Variants in KIAA0825 observed in about 807,000 individuals in gnomAD.
KIAA0825 encodes the protein uncharacterized protein KIAA0825.
Under a neutral mutation model 147.6 loss-of-function variants are expected in KIAA0825, and 119 were observed. The ratio of observed to expected loss-of-function variants is 0.81; its 90% CI spans 0.69 to 0.94. The LOEUF is 0.94. KIAA0825 is among the 40% of genes least tolerant of loss of function. KIAA0825 has a pLI of 0.00. For missense variants in KIAA0825, 1,381 were observed against 1,472.7 expected, an observed-to-expected ratio of 0.94 and a Z score of 1.02; for synonymous variants, 470 against 518.1, an observed-to-expected ratio of 0.91 and a Z score of 1.26.
intron 11 of KIAA0825, among the ~76,000 whole-genome samples, chr5:94,462,910 T>A (rs1760013715): frequency 6.6e-6 from 1 of 151,742 alleles, no homozygotes; most frequent in South Asian, 2.1e-4. Flanking sequence ...AGAAACTAGA[T>A]GAGAAGAAAA....
chr5:94,392,173 G>T (rs1385348269), intron 17 of KIAA0825, among the ~76,000 whole-genome samples: 1 of 152,158 alleles, frequency 6.6e-6, no homozygotes, highest in Non-Finnish European at 1.5e-5. Context: ...TCAAAAGGGG[G>T]AGCCTATTAT....
chr5:94,321,537 G>A (rs1264196597), intron 20 of KIAA0825, among the ~76,000 whole-genome samples: 1 of 151,974 alleles, frequency 6.6e-6, no homozygotes, highest in Non-Finnish European at 1.5e-5. Flanking sequence ...GCTGAGATAT[G>A]AGTCTAAGTA....
intron 3 of KIAA0825, among the ~76,000 whole-genome samples, chr5:94,524,980 G>A (rs1044827615): frequency 6.6e-6 from 1 of 151,604 alleles, no homozygotes; most frequent in African/African-American, 2.4e-5. Context: ...ATCTTTGTGG[G>A]GTAAACTGGT....
At chr5:94,393,434 T>C (rs1750179708) in intron 17 of KIAA0825, among the ~76,000 whole-genome samples, 1 of 152,200 alleles carries the variant, frequency 6.6e-6, no homozygotes, top group African/African-American at 2.4e-5. Flanking sequence ...TTTTAATGAA[T>C]AGTAATGCTT....
rs1767927395 is a variant in KIAA0825, at chr5:94,520,325, T to C, written c.893A>G (p.Gln298Arg). Residue 298 changes from glutamine to arginine, a missense_variant, in exon 5 of 21, where the codon CAG (glutamine) becomes CGG (arginine). Physicochemically the swap from Gln to Arg is conservative, Grantham distance 43. Coordinates refer to ENST00000682413, the MANE Select transcript of KIAA0825 (RefSeq NM_001145678.3). ...CACACGAACAGCATTTTCTCTGAAC[T>C]GCAGCTCACAAAAATTTTCAAGAAA... ...AKFLENFCEL[Q>R]FRENAVRVVK... The C allele has an allele frequency of 1.2e-6, 2 of 1,613,456 alleles. No individual in the cohort carries two copies. Among genetic ancestry groups the C allele is most frequent in the Non-Finnish European group, 1.7e-6 (2 of 1,179,574 alleles).
At chr5:94,464,536 G>T (rs1760247920) in intron 11 of KIAA0825, among the ~76,000 whole-genome samples, 1 of 152,134 alleles carries the variant, frequency 6.6e-6, no homozygotes, top group South Asian at 2.1e-4. Context: ...ATCATGGCAT[G>T]GATGCTTTGG....
At chr5:94,229,315 C>G (rs1231452844) in intron 20 of KIAA0825, among the ~76,000 whole-genome samples, 2 of 152,104 alleles carry the variant, frequency 1.3e-5, no homozygotes, top group African/African-American at 2.4e-5. Flanking sequence ...TTGAGGTGAG[C>G]AATGGTATTC....
At chr5:94,195,984 C>A (rs1455698782) in intron 20 of KIAA0825, among the ~76,000 whole-genome samples, 1 of 152,288 alleles carries the variant, frequency 6.6e-6, no homozygotes, top group East Asian at 1.9e-4. Context: ...ATGGCCAGCA[C>A]CTGCATCTCT....
chr5:94,417,725 A>G (rs1337871199), intron 14 of KIAA0825, among the ~76,000 whole-genome samples: 2 of 152,176 alleles, frequency 1.3e-5, no homozygotes, highest in Non-Finnish European at 2.9e-5. Context: ...AATAATAGAC[A>G]TTCATTCTAA....
At chr5:94,617,594 T>A (rs769298955) in intron 1 of KIAA0825, among the ~76,000 whole-genome samples, 11 of 152,104 alleles carry the variant, frequency 7.2e-5, no homozygotes, top group Non-Finnish European at 1.3e-4. Flanking sequence ...AAAATAACAG[T>A]CAGCTGCCTT....
At chr5:94,608,486 TA>T (rs1788037719) in intron 1 of KIAA0825, among the ~76,000 whole-genome samples, 1 of 50,698 alleles carries the variant, frequency 2.0e-5, no homozygotes, top group African/African-American at 8.4e-5. Context: ...TATATATATA[TA>T]TATAATTATA....
At chr5:94,344,366 T>C (rs976188256) in intron 20 of KIAA0825, among the ~76,000 whole-genome samples, 13 of 152,222 alleles carry the variant, frequency 8.5e-5, no homozygotes, top group African/African-American at 3.1e-4. Flanking sequence ...ATTTCATGTA[T>C]GTAAAGTTTT....
At chr5:94,601,777 G>A (rs1786503003) in intron 1 of KIAA0825, among the ~76,000 whole-genome samples, 1 of 152,096 alleles carries the variant, frequency 6.6e-6, no homozygotes, top group African/African-American at 2.4e-5. Context: ...TACTCCAACA[G>A]GAGGAAAGAA....
chr5:94,285,429 T>C (rs1035965512), intron 20 of KIAA0825, among the ~76,000 whole-genome samples: 1 of 152,174 alleles, frequency 6.6e-6, no homozygotes, highest in Non-Finnish European at 1.5e-5. Flanking sequence ...AGAAATCTAG[T>C]CCATTCTCAT....
At chr5:94,483,178 T>A (rs1403702488) in intron 6 of KIAA0825, among the ~76,000 whole-genome samples, 1 of 152,000 alleles carries the variant, frequency 6.6e-6, no homozygotes, top group Non-Finnish European at 1.5e-5. Context: ...AACATCTTTA[T>A]AATACCTCCT....
intron 2 of KIAA0825, among the ~76,000 whole-genome samples, chr5:94,574,854 T>C (rs756371732): frequency 2.0e-5 from 3 of 152,096 alleles, no homozygotes; most frequent in Non-Finnish European, 2.9e-5. Context: ...GCCTCACAAA[T>C]AGCTAGAATT....
At chr5:94,466,736 CAAAAAAAAAAAAA>C (rs56785201) in intron 10 of KIAA0825, among the ~76,000 whole-genome samples, 2 of 61,376 alleles carry the variant, frequency 3.3e-5, no homozygotes, top group Non-Finnish European at 6.0e-5. Flanking sequence ...GACTGTGTCT[CAAAAAAAAAAAAA>C]AAAAAAAAAA....
intron 2 of KIAA0825, among the ~76,000 whole-genome samples, chr5:94,537,664 AAAAG>A (rs1561283009): frequency 2.0e-5 from 3 of 151,394 alleles, no homozygotes; most frequent in Non-Finnish European, 4.4e-5. Flanking sequence ...AAAAAAAAAA[AAAAG>A]AAAGCTGAAC....
At chr5:94,210,769 G>A (rs1772636158) in intron 20 of KIAA0825, among the ~76,000 whole-genome samples, 1 of 152,130 alleles carries the variant, frequency 6.6e-6, no homozygotes, top group Non-Finnish European at 1.5e-5. Context: ...ATACAGAGAT[G>A]CAATAGATCA....
Sources: allele counts gnomAD v4.1 joint callset (sites outside exome capture counted in the v4.1 genomes callset), GRCh38; gene constraint gnomAD v4.1.1; transcripts MANE v1.5; gene names NCBI Gene and HGNC (gene_info 2026-07-23, HGNC 2026-07-21).